EHMT1: variants seen among roughly 807,000 people sequenced by gnomAD.
EHMT1 encodes euchromatic histone lysine methyltransferase 1, also known as histone-lysine N-methyltransferase EHMT1.
In EHMT1, 15 loss-of-function variants were observed where a neutral mutation model predicts 147.2. The observed-to-expected ratio is 0.10, with a 90% CI of 0.07 to 0.16. EHMT1 has a LOEUF of 0.16. Ranked by LOEUF, EHMT1 falls within the 10% of genes least tolerant of loss-of-function variation. The pLI is 1.00. For missense variants in EHMT1, 1,587 were observed against 1,772.4 expected, an observed-to-expected ratio of 0.90 and a Z score of 1.88; for synonymous variants, 795 against 709.6, an observed-to-expected ratio of 1.12 and a Z score of -1.91.
rs543197201 is a variant in EHMT1 at position 137,648,164 on chromosome 9, A to G, written c.21+29115A>G. 1.6e-3 allele frequency among the ~76,000 whole-genome samples: 247 copies of G among 152,310 alleles called. 1 individual carries two copies. The highest frequency in any genetic ancestry group is 5.4e-3 in the African/African-American group (226 of 41,574). The stretch of plus-strand genomic sequence containing the variant: ...TCCTTTTGAAACTCAAATTATTCCA[A>G]TATGGCCAGTGAGAGCCCTTCAAGC... On this transcript the variant is annotated intron_variant, in intron 1 of 26. Transcript: ENST00000460843.
At chr9:137,638,018 C>T (rs1167368254) in intron 1 of EHMT1, 2 of 151,754 alleles carry the variant, frequency 1.3e-5, no homozygotes, top group African/African-American at 4.8e-5. Context: ...TCCCCTTTGA[C>T]GCTAATAAAT....
chr9:137,625,097 G>A (rs1370866903), intron 1 of EHMT1, among the ~76,000 whole-genome samples: 2 of 151,390 alleles, frequency 1.3e-5, no homozygotes, highest in African/African-American at 2.4e-5. Context: ...GGCTGGGCTG[G>A]TCTAAAATTC....
At chr9:137,669,489 CT>C (rs1940239885) in intron 1 of EHMT1, among the ~76,000 whole-genome samples, 1 of 137,304 alleles carries the variant, frequency 7.3e-6, no homozygotes, top group Non-Finnish European at 1.6e-5. Flanking sequence ...AGCACGTGCA[CT>C]GGACTCCTCC....
intron 1 of EHMT1, among the ~76,000 whole-genome samples, chr9:137,620,844 C>G (rs909393140): frequency 6.6e-6 from 1 of 152,200 alleles, no homozygotes; most frequent in Non-Finnish European, 1.5e-5. Flanking sequence ...CATAGGCAGC[C>G]TTGAATAGGG....
Position 137,732,449 on chromosome 9 carries a change from A to G in EHMT1, c.823+3920A>G, listed in dbSNP as rs1465379229. Among the ~76,000 whole-genome samples the G allele has an allele frequency of 5.3e-5, 8 of 152,212 alleles. No homozygotes were observed. The highest frequency in any genetic ancestry group is 4.6e-4 in the Admixed American group (7 of 15,278). On this transcript the variant is annotated intron_variant, in intron 4 of 26. Transcript: ENST00000460843. This position sits in a 1 kb window ranked among gnomAD's most constrained non-coding sequence, Gnocchi z 4.6. ...GGAGAAGAGTTTTATTGAGCAGCAG[A>G]ACAGCTCTCAGCGGAGAGGAGACCC...
intron 18 of EHMT1, among the ~76,000 whole-genome samples, chr9:137,801,318 G>T (rs1953466120): frequency 6.6e-6 from 1 of 152,122 alleles, no homozygotes. Context: ...CTCTCCCTTT[G>T]TTTTTGTTTT....
At chr9:137,672,623 G>A (rs1039834264) in intron 1 of EHMT1, among the ~76,000 whole-genome samples, 3 of 152,244 alleles carry the variant, frequency 2.0e-5, no homozygotes, top group African/African-American at 7.2e-5. Flanking sequence ...AGCGCCTGGC[G>A]CAGTACTGCA....
intron 25 of EHMT1, among the ~76,000 whole-genome samples, chr9:137,818,667 G>A (rs879213109): frequency 6.8e-5 from 2 of 29,430 alleles, no homozygotes; most frequent in Admixed American, 3.8e-4. Flanking sequence ...GAGGCCGACT[G>A]AGGGGCGCCG....
chr9:137,685,775 G>A (rs935598196), intron 1 of EHMT1, among the ~76,000 whole-genome samples: 2 of 152,204 alleles, frequency 1.3e-5, no homozygotes, highest in Non-Finnish European at 2.9e-5. Flanking sequence ...TGGGAGCAAC[G>A]TGGTATGTCA....
rs1050139985 is a variant in EHMT1 at position 137,786,168 on chromosome 9, T to C, written c.2382+3771T>C. ...AGTTTAGTGCCGTGAAATAACATGA[T>C]GTATTGGGAGGAAATCATTATGTCC... On this transcript the variant is annotated intron_variant, in intron 15 of 26. Coordinates refer to ENST00000460843, the MANE Select transcript of EHMT1 (RefSeq NM_024757.5). This position sits in a 1 kb window ranked among gnomAD's most constrained non-coding sequence, Gnocchi z 4.3. The C allele has an allele frequency of 3.9e-5, 6 of 152,220 alleles. No homozygotes were observed. Among genetic ancestry groups the C allele is most frequent in the African/African-American group, 1.2e-4 (5 of 41,426 alleles). 9.4% of individuals were successfully genotyped at this position (152,220 alleles called of 1,614,324 possible). A position where few individuals can be genotyped will look rare whatever the true frequency, so the allele number is the denominator to read the frequency against.
intron 18 of EHMT1, among the ~76,000 whole-genome samples, chr9:137,801,292 G>A (rs1953463941): frequency 6.6e-6 from 1 of 152,174 alleles, no homozygotes; most frequent in Non-Finnish European, 1.5e-5. Flanking sequence ...TGGTGCGGGT[G>A]CCACAGCACC....
intron 1 of EHMT1, among the ~76,000 whole-genome samples, chr9:137,701,653 G>A (rs1460483883): frequency 2.3e-5 from 3 of 129,408 alleles, no homozygotes. Flanking sequence ...TTGAGATGGA[G>A]TTTTGCTCTT....
At chr9:137,714,371 C>G (rs914121663) in intron 2 of EHMT1, among the ~76,000 whole-genome samples, 3 of 152,036 alleles carry the variant, frequency 2.0e-5, no homozygotes, top group Non-Finnish European at 4.4e-5. Flanking sequence ...TTTTTCCTGT[C>G]TAATGAGATG....
At chr9:137,628,863 T>C (rs1486107114) in intron 1 of EHMT1, among the ~76,000 whole-genome samples, 1 of 152,244 alleles carries the variant, frequency 6.6e-6, no homozygotes, top group Non-Finnish European at 1.5e-5. Flanking sequence ...CTTCCTGTCA[T>C]GTGCTGAAAG....
chr9:137,662,338 C>T (rs1939168343), intron 1 of EHMT1, among the ~76,000 whole-genome samples: 1 of 151,986 alleles, frequency 6.6e-6, no homozygotes, highest in Non-Finnish European at 1.5e-5. Context: ...GCTGGGACTA[C>T]AGGCACATGC....
chr9:137,623,420 CTT>C (rs111649345), intron 1 of EHMT1, among the ~76,000 whole-genome samples: 4 of 143,940 alleles, frequency 2.8e-5, no homozygotes, highest in African/African-American at 5.1e-5. Flanking sequence ...TGTATTTACT[CTT>C]TTTTTTTTTT....
intron 13 of EHMT1, among the ~76,000 whole-genome samples, chr9:137,779,003 C>G (rs543023788): frequency 2.2e-4 from 33 of 152,220 alleles, no homozygotes; most frequent in African/African-American, 7.7e-4. Context: ...TCACTCATCA[C>G]CAGGGGGAGG....
intron 1 of EHMT1, chr9:137,685,176 C>T (rs1942320992): frequency 6.6e-6 from 1 of 152,106 alleles, no homozygotes; most frequent in Non-Finnish European, 1.5e-5. Flanking sequence ...GCATAACAAC[C>T]ATTGTAACCG....
At chr9:137,634,250 T>C (rs1476663651) in intron 1 of EHMT1, among the ~76,000 whole-genome samples, 1 of 152,250 alleles carries the variant, frequency 6.6e-6, no homozygotes, top group East Asian at 1.9e-4. Flanking sequence ...AGGGAGTTTA[T>C]GTTTCCTTGG....
Sources: allele counts gnomAD v4.1 joint callset (sites outside exome capture counted in the v4.1 genomes callset), GRCh38; gene constraint gnomAD v4.1.1; non-coding constraint Gnocchi (gnomAD v3.1); transcripts MANE v1.5; gene names NCBI Gene and HGNC (gene_info 2026-07-23, HGNC 2026-07-21).